Variants in LRRIQ3 observed in about 807,000 individuals in gnomAD.
The protein encoded by LRRIQ3 is leucine rich repeats and IQ motif containing 3.
In LRRIQ3, 75 loss-of-function variants were observed where a neutral mutation model predicts 59.3. That is an observed-to-expected ratio of 1.26 (90% CI 1.05 to 1.53). The LOEUF is 1.53. Ranked by LOEUF, LRRIQ3 falls within the 40% of genes most tolerant of loss-of-function variation. The pLI is 0.00. For missense variants in LRRIQ3, 831 were observed against 710.0 expected, an observed-to-expected ratio of 1.17 and a Z score of -1.94; for synonymous variants, 250 against 231.3, an observed-to-expected ratio of 1.08 and a Z score of -0.73.
intron 5 of LRRIQ3, chr1:74,082,327 A>T (rs1557606509): frequency 6.6e-6 from 1 of 151,524 alleles, no homozygotes; most frequent in Non-Finnish European, 1.5e-5. Context: ...AGTTACGATA[A>T]TATTTTCAAT....
intron 4 of LRRIQ3, among the ~76,000 whole-genome samples, chr1:74,153,019 T>C (rs1430662986): frequency 6.6e-6 from 1 of 152,154 alleles, no homozygotes; most frequent in Non-Finnish European, 1.5e-5. Context: ...TTAAATAATA[T>C]AATGGATTAA....
intron 2 of LRRIQ3, 64 bp downstream of exon 2, chr1:74,183,371 AT>A: frequency 1.4e-6 from 2 of 1,385,252 alleles, no homozygotes; most frequent in East Asian, 4.8e-5. Flanking sequence ...GATAGGTAAC[AT>A]AAGTACTTAT....
At chr1:74,141,672 TA>T (rs1245041609) in intron 4 of LRRIQ3, among the ~76,000 whole-genome samples, 1 of 151,906 alleles carries the variant, frequency 6.6e-6, no homozygotes, top group Non-Finnish European at 1.5e-5. Context: ...TTTTGTTTGA[TA>T]AAAAATGTTC....
chr1:74,070,637 T>C (rs978414391), intron 6 of LRRIQ3, among the ~76,000 whole-genome samples: 6 of 151,910 alleles, frequency 3.9e-5, no homozygotes, highest in Admixed American at 1.3e-4. Context: ...ATGATATATA[T>C]ATGTATATAT....
chr1:74,078,512 T>C (rs1646234382), intron 5 of LRRIQ3: 1 of 151,904 alleles, frequency 6.6e-6, no homozygotes, highest in African/African-American at 2.4e-5. Flanking sequence ...GTGGTGATTT[T>C]AAAACATGCA....
At chr1:74,193,088 A>G (rs760557822) in intron 1 of LRRIQ3, among the ~76,000 whole-genome samples, 1 of 152,158 alleles carries the variant, frequency 6.6e-6, no homozygotes, top group African/African-American at 2.4e-5. Context: ...ACCAAGTTGG[A>G]AGCCCTTTAC....
At chr1:74,065,632 A>C (rs1312674237) in intron 6 of LRRIQ3, among the ~76,000 whole-genome samples, 1 of 152,178 alleles carries the variant, frequency 6.6e-6, no homozygotes, top group African/African-American at 2.4e-5. Flanking sequence ...GTGTTTGAAT[A>C]GAATTTTTTA....
chr1:74,077,442 A>G (rs968503493), intron 5 of LRRIQ3, among the ~76,000 whole-genome samples: 3 of 151,886 alleles, frequency 2.0e-5, no homozygotes, highest in Non-Finnish European at 4.4e-5. Context: ...ATTCCCCTGA[A>G]AAAAACAAGA....
chr1:74,179,455 T>C (rs904997802), intron 3 of LRRIQ3, among the ~76,000 whole-genome samples: 2 of 152,040 alleles, frequency 1.3e-5, no homozygotes, highest in African/African-American at 2.4e-5. Flanking sequence ...TCCTTGAATG[T>C]AGAATACCAA....
chr1:74,129,980 G>T (rs1334098961), intron 4 of LRRIQ3, among the ~76,000 whole-genome samples: 2 of 151,148 alleles, frequency 1.3e-5, no homozygotes, highest in Non-Finnish European at 3.0e-5. Context: ...CCAAAAAAAA[G>T]TCCTCCTTAC....
intron 5 of LRRIQ3, among the ~76,000 whole-genome samples, chr1:74,108,392 G>T (rs1646642657): frequency 6.6e-6 from 1 of 151,654 alleles, no homozygotes; most frequent in African/African-American, 2.4e-5. Flanking sequence ...TGCTGATGAG[G>T]GACAAGTTTT....
chr1:74,113,434 G>A (rs1211617250), intron 4 of LRRIQ3, among the ~76,000 whole-genome samples: 2 of 152,048 alleles, frequency 1.3e-5, no homozygotes, highest in African/African-American at 4.8e-5. Flanking sequence ...GAAGTCCAAT[G>A]AATGTAAAGA....
intron 3 of LRRIQ3, among the ~76,000 whole-genome samples, chr1:74,170,977 T>C (rs1649288479): frequency 6.6e-6 from 1 of 152,142 alleles, no homozygotes; most frequent in Non-Finnish European, 1.5e-5. Flanking sequence ...AGATTTTTTA[T>C]TATTAATGTA....
intron 1 of LRRIQ3, 91 bp from the exon 2 acceptor site, chr1:74,183,775 G>A (rs777611403): frequency 7.4e-6 from 8 of 1,082,778 alleles, no homozygotes; most frequent in African/African-American, 3.3e-5. Flanking sequence ...GATAGCGCAA[G>A]TAAAAAGTGT....
intron 6 of LRRIQ3, among the ~76,000 whole-genome samples, chr1:74,068,139 C>T (rs1278798389): frequency 6.6e-6 from 1 of 152,004 alleles, no homozygotes; most frequent in Non-Finnish European, 1.5e-5. Flanking sequence ...TCAATTTTTT[C>T]ATCTCCTATA....
intron 5 of LRRIQ3, among the ~76,000 whole-genome samples, chr1:74,105,556 G>A (rs892138386): frequency 6.6e-6 from 1 of 151,780 alleles, no homozygotes; most frequent in Non-Finnish European, 1.5e-5. Flanking sequence ...GCTGGCCTAT[G>A]TGGTATAATT....
At chr1:74,067,435 C>T (rs1410685723) in intron 6 of LRRIQ3, among the ~76,000 whole-genome samples, 17 of 152,048 alleles carry the variant, frequency 1.1e-4, no homozygotes, top group Admixed American at 1.1e-3. Context: ...AATTGCCTAC[C>T]TCAGAGGCTA....
At chr1:74,091,054 T>C (rs1471742932) in intron 5 of LRRIQ3, among the ~76,000 whole-genome samples, 1 of 152,128 alleles carries the variant, frequency 6.6e-6, no homozygotes, top group Non-Finnish European at 1.5e-5. Context: ...TTTGTTCTGA[T>C]AAAATTTGCA....
chr1:74,197,009 T>A (rs1651208803), intron 1 of LRRIQ3, among the ~76,000 whole-genome samples: 2 of 152,240 alleles, frequency 1.3e-5, no homozygotes, highest in South Asian at 4.1e-4. Context: ...CTCTCTGACC[T>A]TCTCTCGCTA....
Sources: allele counts gnomAD v4.1 joint callset (sites outside exome capture counted in the v4.1 genomes callset), GRCh38; gene constraint gnomAD v4.1.1; transcripts MANE v1.5; gene names NCBI Gene and HGNC (gene_info 2026-07-23, HGNC 2026-07-21).